SETBP1: variants seen among roughly 807,000 people sequenced by gnomAD.
SETBP1 encodes the protein SET binding protein 1.
SETBP1 carries 9 observed loss-of-function variants against 101.0 expected under a neutral mutation model. That is an observed-to-expected ratio of 0.09 (90% CI 0.05 to 0.16). The LOEUF (loss-of-function observed/expected upper bound fraction) is 0.16, where lower values mean the gene tolerates loss of function less well. Ranked by LOEUF, SETBP1 falls within the 10% of genes least tolerant of loss-of-function variation. The probability of loss-of-function intolerance (pLI) is 1.00; values close to 1 mark genes in which losing one functional copy is unlikely to be tolerated. For synonymous variants in SETBP1, 818 were observed against 788.5 expected (o/e 1.04, Z -0.63); for missense variants, 1,858 against 2,033.8 (o/e 0.91, Z 1.66).
At chr18:44,874,916 C>G (rs2069361778) in intron 3 of SETBP1, among the ~76,000 whole-genome samples, 1 of 152,128 alleles carries the variant, frequency 6.6e-6, no homozygotes, top group Admixed American at 6.5e-5. Context: ...AGAGAGAAAT[C>G]CTGGCTGTGC....
chr18:44,713,966 T>C (rs963111281), intron 2 of SETBP1, among the ~76,000 whole-genome samples: 1 of 152,212 alleles, frequency 6.6e-6, no homozygotes, highest in African/African-American at 2.4e-5. Context: ...CTTTTCTATG[T>C]ATTCTGTAGA....
intron 2 of SETBP1, among the ~76,000 whole-genome samples, chr18:44,823,137 G>A (rs1219889107): frequency 6.6e-6 from 1 of 152,110 alleles, no homozygotes; most frequent in Non-Finnish European, 1.5e-5. Flanking sequence ...CCAAAAAAAA[G>A]GAATAAGAGA....
intron 4 of SETBP1, among the ~76,000 whole-genome samples, chr18:44,973,253 T>C (rs1020317001): frequency 6.6e-6 from 1 of 152,230 alleles, no homozygotes; most frequent in African/African-American, 2.4e-5. Flanking sequence ...GATAAGCTTT[T>C]TGATGTGCTG....
chr18:44,949,640 T>A (rs532008087), intron 3 of SETBP1, among the ~76,000 whole-genome samples: 88 of 152,334 alleles, frequency 5.8e-4, no homozygotes, highest in African/African-American at 2.0e-3. Context: ...TATTTAGGGA[T>A]AAAAGACAAC....
intron 3 of SETBP1, among the ~76,000 whole-genome samples, chr18:44,873,769 T>G (rs1041220685): frequency 6.6e-6 from 1 of 152,188 alleles, no homozygotes; most frequent in East Asian, 1.9e-4. Flanking sequence ...TTTTAAAGTC[T>G]GAAAAATAAA....
rs142098026 is a variant in SETBP1 at position 44,970,847 on chromosome 18, G to A, written c.4000+17507G>A. On this transcript the variant is annotated intron_variant, in intron 4 of 5. Coordinates refer to ENST00000649279, the MANE Select transcript of SETBP1 (RefSeq NM_015559.3). ...ATTACAGGCCTGAGCGACCGCACCC[G>A]GCTGGGCTTGTTTTCTTTTCTTTTT... Among the ~76,000 whole-genome samples the A allele has an allele frequency of 6.5e-3, 989 of 152,040 alleles. 15 individuals carry two copies. The highest frequency in any genetic ancestry group is 0.041 in the South Asian group (196 of 4,798).
chr18:44,959,358 A>G (rs1463292589), intron 4 of SETBP1, among the ~76,000 whole-genome samples: 1 of 152,234 alleles, frequency 6.6e-6, no homozygotes, highest in East Asian at 1.9e-4. Flanking sequence ...ACAAGTGATG[A>G]ATACTTTTAA....
chr18:44,923,324 T>G (rs2070623998), intron 3 of SETBP1, among the ~76,000 whole-genome samples: 1 of 152,330 alleles, frequency 6.6e-6, no homozygotes, highest in African/African-American at 2.4e-5. Flanking sequence ...GCAACATGAC[T>G]GAGTATTCCA....
At chr18:44,694,017 G>C (rs900812876) in intron 1 of SETBP1, among the ~76,000 whole-genome samples, 1 of 152,208 alleles carries the variant, frequency 6.6e-6, no homozygotes, top group African/African-American at 2.4e-5. Context: ...TCTGAGGTGA[G>C]CATGGAGTCT....
intron 2 of SETBP1, among the ~76,000 whole-genome samples, chr18:44,801,768 C>CTT (rs1032793487): frequency 5.1e-5 from 7 of 137,360 alleles, no homozygotes; most frequent in African/African-American, 1.6e-4. Context: ...TTAACAAAGA[C>CTT]TTTTTTTTTT....
At chr18:44,941,123 C>A (rs1243120515) in intron 3 of SETBP1, among the ~76,000 whole-genome samples, 1 of 137,468 alleles carries the variant, frequency 7.3e-6, no homozygotes, top group Non-Finnish European at 1.5e-5. Context: ...TACTTTGTTG[C>A]CAGGCTGGAG....
intron 2 of SETBP1, among the ~76,000 whole-genome samples, chr18:44,762,433 C>A (rs1230996952): frequency 3.3e-5 from 5 of 152,222 alleles, no homozygotes. Flanking sequence ...TTTGTCCATT[C>A]TTTTCTGTGT....
intron 4 of SETBP1, among the ~76,000 whole-genome samples, chr18:44,999,196 A>AC (rs1483927982): frequency 6.6e-6 from 1 of 152,160 alleles, no homozygotes; most frequent in Non-Finnish European, 1.5e-5. Flanking sequence ...CCTTAGGGGT[A>AC]ATAGTCTGGT....
intron 3 of SETBP1, among the ~76,000 whole-genome samples, chr18:44,879,363 C>T (rs145833695): frequency 1.3e-3 from 197 of 152,226 alleles, no homozygotes; most frequent in Middle Eastern, 6.8e-3. Flanking sequence ...TGGCCAGAGT[C>T]ATCCTTAGTA....
chr18:44,717,559 T>C (rs77959411), intron 2 of SETBP1, among the ~76,000 whole-genome samples: 1,822 of 152,356 alleles, frequency 0.012, 22 homozygotes, highest in South Asian at 0.019. Flanking sequence ...ATGTCTACTT[T>C]GGGGCCATTG....
chr18:45,052,525 G>T (rs1040583176), intron 5 of SETBP1, among the ~76,000 whole-genome samples: 3 of 152,134 alleles, frequency 2.0e-5, no homozygotes, highest in Admixed American at 1.3e-4. Context: ...CTCTGGATAA[G>T]AGAAAAATGC....
At chr18:44,940,478 AT>A (rs2071062647) in intron 3 of SETBP1, among the ~76,000 whole-genome samples, 1 of 151,946 alleles carries the variant, frequency 6.6e-6, no homozygotes. Context: ...GTCATCAAGC[AT>A]TTTTTTGTAA....
At position 44,919,010 on chromosome 18, in the gene SETBP1, G is replaced by A. The variant is rs2070514226; in HGVS notation, c.541-30871G>A. ...ATAAAGAAGTAGCAAAGCCAGCATA[G>A]CTCGGCCCAGTGCCCTTTTCACACT... is the stretch of plus-strand genomic sequence containing the variant. On this transcript the variant is annotated intron_variant, in intron 3 of 5. Transcript: ENST00000649279. Among the ~76,000 whole-genome samples the A allele has an allele frequency of 3.3e-5, 5 of 152,306 alleles. No homozygotes were observed. The South Asian group carries it at 1.0e-3, about 32-fold the overall frequency.
Position 44,950,400 on chromosome 18 carries a change from T to C in SETBP1, c.1060T>C (p.Trp354Arg). ...GACCATACCAAACCCAGACCTGGATTGGGTCAAGAATGCCCAGAAAGCATT... is the reference window on the plus strand; with the variant it reads ...GACCATACCAAACCCAGACCTGGATCGGGTCAAGAATGCCCAGAAAGCATT... ...SQTIPNPDLD[W>R]VKNAQKAFDN... The change falls in exon 4 of 6, where the codon TGG becomes CGG. Residue 354 changes from tryptophan (W) to arginine (R), a missense_variant. Transcript: ENST00000649279. The C allele has an allele frequency of 6.2e-7, 1 of 1,614,132 alleles. No individual in the cohort carries two copies. Among genetic ancestry groups the C allele is most frequent in the Non-Finnish European group, 8.5e-7 (1 of 1,180,044 alleles).
Sources: allele counts gnomAD v4.1 joint callset (sites outside exome capture counted in the v4.1 genomes callset), GRCh38; gene constraint gnomAD v4.1.1; transcripts MANE v1.5; gene names NCBI Gene and HGNC (gene_info 2026-07-23, HGNC 2026-07-21).